Variants in RHOBTB1 observed in about 807,000 individuals in gnomAD.
The protein encoded by RHOBTB1 is rho-related BTB domain-containing protein 1.
Under a neutral mutation model 71.6 loss-of-function variants are expected in RHOBTB1, and 40 were observed. The observed-to-expected ratio is 0.56, with a 90% CI of 0.43 to 0.73. The LOEUF (loss-of-function observed/expected upper bound fraction) is 0.73. Among genes scored for constraint, RHOBTB1 ranks in the 30% least tolerant of loss-of-function variants. The probability of loss-of-function intolerance (pLI) is 0.00; values close to 1 mark genes in which losing one functional copy is unlikely to be tolerated. For missense variants in RHOBTB1, 797 were observed against 894.0 expected, an observed-to-expected ratio of 0.89 and a Z score of 1.38; for synonymous variants, 319 against 334.9, an observed-to-expected ratio of 0.95 and a Z score of 0.52.
intron 2 of RHOBTB1, among the ~76,000 whole-genome samples, chr10:60,952,080 G>T (rs1267426971): frequency 8.0e-6 from 1 of 124,606 alleles, no homozygotes; most frequent in African/African-American, 3.2e-5. Flanking sequence ...CCCCAAAAAA[G>T]AACGGTACAT....
chr10:60,990,630 GC>G (rs1383849818), intron 1 of RHOBTB1, among the ~76,000 whole-genome samples: 1 of 151,920 alleles, frequency 6.6e-6, no homozygotes, highest in African/African-American at 2.4e-5. Context: ...TTGCTCCTCT[GC>G]CCCCCATGAC....
intron 4 of RHOBTB1, among the ~76,000 whole-genome samples, chr10:60,894,979 A>G (rs1174974974): frequency 6.6e-6 from 1 of 152,198 alleles, no homozygotes; most frequent in Non-Finnish European, 1.5e-5. Context: ...CCATGATAAC[A>G]CTCATGGTAT....
At chr10:60,936,920 C>A (rs2084618762) in intron 2 of RHOBTB1, among the ~76,000 whole-genome samples, 1 of 152,186 alleles carries the variant, frequency 6.6e-6, no homozygotes, top group African/African-American at 2.4e-5. Context: ...CTTCATAGCA[C>A]TGGGAAAGAC....
At chr10:60,961,966 C>A (rs1378576783) in intron 2 of RHOBTB1, among the ~76,000 whole-genome samples, 2 of 151,914 alleles carry the variant, frequency 1.3e-5, no homozygotes, top group Admixed American at 6.6e-5. Context: ...CACTACCACG[C>A]CTGGATAATT....
the RHOBTB1 span, among the ~76,000 whole-genome samples, chr10:60,863,530 T>C: frequency 0.95 from 144,884 of 151,996 alleles, 69,088 homozygotes; most frequent in East Asian, 1. Context: ...CCGTGGGGTC[T>C]TCACATCCCC....
intron 4 of RHOBTB1, among the ~76,000 whole-genome samples, chr10:60,901,259 G>C (rs1035136914): frequency 6.6e-6 from 1 of 152,188 alleles, no homozygotes; most frequent in African/African-American, 2.4e-5. Context: ...TTTTGGGGGA[G>C]AATAAAGTGG....
chr10:60,934,548 G>C (rs1240783071), intron 2 of RHOBTB1, among the ~76,000 whole-genome samples: 2 of 152,150 alleles, frequency 1.3e-5, no homozygotes, highest in Non-Finnish European at 2.9e-5. Context: ...GAGAGTCCCT[G>C]GTCTACTTCA....
chr10:60,890,372 G>A (rs16915679), intron 5 of RHOBTB1, among the ~76,000 whole-genome samples: 16,001 of 151,950 alleles, frequency 0.11, 1,118 homozygotes, highest in East Asian at 0.31. Flanking sequence ...ATGACCTGGC[G>A]GCAGTTCTGT....
intron 2 of RHOBTB1, among the ~76,000 whole-genome samples, chr10:60,959,071 C>A (rs2085693447): frequency 6.6e-6 from 1 of 151,976 alleles, no homozygotes; most frequent in Non-Finnish European, 1.5e-5. Context: ...CCTCAACGTT[C>A]AAAAATCAGT....
intron 1 of RHOBTB1, among the ~76,000 whole-genome samples, chr10:60,991,259 C>A (rs1251318043): frequency 2.0e-5 from 3 of 151,990 alleles, no homozygotes; most frequent in South Asian, 4.2e-4. Flanking sequence ...CACACCCCCA[C>A]CAAAAAAACG....
intron 2 of RHOBTB1, among the ~76,000 whole-genome samples, chr10:60,970,326 A>T (rs2086111142): frequency 6.6e-6 from 1 of 152,110 alleles, no homozygotes; most frequent in East Asian, 1.9e-4. Context: ...TATTCAGCAT[A>T]ACTAAACCCT....
intron 4 of RHOBTB1, among the ~76,000 whole-genome samples, chr10:60,898,694 A>G (rs1321434409): frequency 6.6e-6 from 1 of 152,250 alleles, no homozygotes; most frequent in African/African-American, 2.4e-5. Context: ...AGGCTTCTTA[A>G]GTACAGATGT....
At chr10:60,980,681 T>C (rs1041881118) in intron 2 of RHOBTB1, among the ~76,000 whole-genome samples, 3 of 152,058 alleles carry the variant, frequency 2.0e-5, no homozygotes, top group African/African-American at 7.2e-5. Flanking sequence ...TGGGGTCTTC[T>C]CTGGGGAATA....
upstream of RHOBTB1, among the ~76,000 whole-genome samples, chr10:60,947,889 G>T (rs533150476): frequency 2.9e-4 from 44 of 152,160 alleles, no homozygotes; most frequent in Non-Finnish European, 4.6e-4. Flanking sequence ...ATAAAAAACT[G>T]CTAAACCATT....
At chr10:60,934,334 A>C (rs2084439913) in intron 2 of RHOBTB1, among the ~76,000 whole-genome samples, 1 of 152,174 alleles carries the variant, frequency 6.6e-6, no homozygotes, top group African/African-American at 2.4e-5. Context: ...GTTCCTGGTT[A>C]TTCAGCTCCC....
At position 60,943,957 on chromosome 10, in the gene RHOBTB1, G is replaced by A. The variant is rs1057090199; in HGVS notation, c.-62+14C>T. On this transcript the variant is annotated intron_variant, in intron 1 of 10. Coordinates refer to ENST00000337910, the MANE Select transcript of RHOBTB1 (RefSeq NM_014836.5). ...AAGTTTCATAGCATAGAGCACTCAC[G>A]ACACAGAACCTACCCTGAAGCCGAG... 1.3e-5 allele frequency: 2 copies of A among 151,718 alleles called. No individual in the cohort carries two copies. The highest frequency in any genetic ancestry group is 4.8e-5 in the African/African-American group (2 of 41,348). 9.4% of individuals were successfully genotyped at this position (151,718 alleles called of 1,614,324 possible). A position where few individuals can be genotyped will look rare whatever the true frequency, so the allele number is the denominator to read the frequency against.
chr10:60,933,071 G>A (rs2084353149), intron 2 of RHOBTB1, among the ~76,000 whole-genome samples: 1 of 152,170 alleles, frequency 6.6e-6, no homozygotes, highest in African/African-American at 2.4e-5. Context: ...CTTTTTTCAG[G>A]TTTTCACAGC....
At position 60,888,698 on chromosome 10, in the gene RHOBTB1, T is replaced by A. The variant is rs1040510045; in HGVS notation, c.970A>T (p.Ile324Leu). 6 of 1,614,144 alleles carry A rather than the reference T, an allele frequency of 3.7e-6. No individual in the cohort carries two copies. The highest frequency in any genetic ancestry group is 5.1e-6 in the Non-Finnish European group (6 of 1,180,020). Residue 324 changes from isoleucine (I) to leucine (L), a missense_variant, in exon 6 of 11, where the codon ATA becomes TTA. Coordinates refer to ENST00000337910, the MANE Select transcript of RHOBTB1 (RefSeq NM_014836.5). ...TCTTCCTCTGGGTCGACACTCAATA[T>A]CCGCCCCTGGAAATCTCTGCTCTGC... ...EKQSRDFQGR[I>L]LSVDPEEERE...
chr10:60,888,229 C>T lies in RHOBTB1; in HGVS notation c.1439G>A (p.Ser480Asn). ...RKANRIKECLSKGTFSDVTFK... is the reference protein window; with the variant it reads ...RKANRIKECLNKGTFSDVTFK... ...CCACTCACCCGAGAACGTTCCCTTG[C>T]TGAGACACTCTTTTATCCGATTGGC... Residue 480 changes from serine (S) to asparagine (N), a missense_variant, in exon 6 of 11, where the codon AGC (serine) becomes AAC (asparagine). Transcript: ENST00000337910. 2 of 1,613,626 alleles carry T rather than the reference C, an allele frequency of 1.2e-6. No individual in the cohort carries two copies. Among genetic ancestry groups the T allele is most frequent in the Non-Finnish European group, 1.7e-6 (2 of 1,179,712 alleles).
Sources: allele counts gnomAD v4.1 joint callset (sites outside exome capture counted in the v4.1 genomes callset), GRCh38; gene constraint gnomAD v4.1.1; transcripts MANE v1.5; gene names NCBI Gene and HGNC (gene_info 2026-07-23, HGNC 2026-07-21).